ABCA13: variants seen among roughly 807,000 people sequenced by gnomAD.
ABCA13 encodes ATP binding cassette subfamily A member 13.
Under a neutral mutation model 478.7 loss-of-function variants are expected in ABCA13, and 476 were observed. That is an observed-to-expected ratio of 0.99 (90% CI 0.92 to 1.07). ABCA13 has a LOEUF of 1.07. ABCA13 is among the 50% of genes least tolerant of loss of function. The pLI, the probability that ABCA13 is intolerant of heterozygous loss-of-function variation, is 0.00. For missense variants in ABCA13, 6,060 were observed against 5,910.6 expected, an observed-to-expected ratio of 1.03 and a Z score of -0.83; for synonymous variants, 2,252 against 2,158.9, an observed-to-expected ratio of 1.04 and a Z score of -1.20.
At chr7:48,614,463 G>A (rs1792343263) in intron 58 of ABCA13, among the ~76,000 whole-genome samples, 1 of 151,196 alleles carries the variant, frequency 6.6e-6, no homozygotes, top group Non-Finnish European at 1.5e-5. Context: ...CAACCATTGT[G>A]GAAGTCAGTG....
intron 3 of ABCA13, among the ~76,000 whole-genome samples, chr7:48,204,500 C>A (rs961971796): frequency 2.0e-5 from 3 of 152,254 alleles, no homozygotes; most frequent in Middle Eastern, 3.4e-3. Flanking sequence ...CGTGAGCCAC[C>A]GCGCCCGGCC....
chr7:48,430,634 A>G (rs1167875812), intron 42 of ABCA13, among the ~76,000 whole-genome samples: 1 of 147,410 alleles, frequency 6.8e-6, no homozygotes, highest in Non-Finnish European at 1.5e-5. Flanking sequence ...AGATTGTGCC[A>G]CTGTACTCTA....
At chr7:48,341,011 C>A (rs907043672) in intron 29 of ABCA13, among the ~76,000 whole-genome samples, 3 of 152,144 alleles carry the variant, frequency 2.0e-5, no homozygotes, top group African/African-American at 7.2e-5. Flanking sequence ...CTGAAAGATG[C>A]AGATTTAGTT....
At chr7:48,446,387 T>A (rs58020554) in intron 42 of ABCA13, among the ~76,000 whole-genome samples, 18,921 of 116,960 alleles carry the variant, frequency 0.16, 1,785 homozygotes, top group African/African-American at 0.27. Context: ...TCATGCCCTT[T>A]AAAAAAAAAA....
At chr7:48,486,732 T>C (rs1227443397) in intron 47 of ABCA13, among the ~76,000 whole-genome samples, 1 of 152,324 alleles carries the variant, frequency 6.6e-6, no homozygotes, top group East Asian at 1.9e-4. Flanking sequence ...GTTTTGCTAA[T>C]GCAGACTGGG....
chr7:48,465,136 T>C (rs1563302293), intron 43 of ABCA13, among the ~76,000 whole-genome samples: 1 of 152,070 alleles, frequency 6.6e-6, no homozygotes, highest in Non-Finnish European at 1.5e-5. Context: ...GGCCCTAGGA[T>C]TGTGGAGGGA....
intron 3 of ABCA13, among the ~76,000 whole-genome samples, chr7:48,218,148 A>G (rs1043730086): frequency 1.3e-5 from 2 of 152,252 alleles, no homozygotes; most frequent in African/African-American, 4.8e-5. Context: ...CTAGAAAAAG[A>G]ATGTAAAACC....
At position 48,275,302 on chromosome 7, in the gene ABCA13, G is replaced by A. The variant is rs763421969; in HGVS notation, c.5636G>A (p.Arg1879Gln). 6.2e-6 allele frequency: 10 copies of A among 1,613,704 alleles called. No individual in the cohort carries two copies. In the East Asian group the frequency reaches 1.3e-4, roughly 22 times the overall value. The stretch of plus-strand genomic sequence containing the variant: ...TCACCATGTTCAAATGAAAGCTCCC[G>A]AATGGAAATAACTAGGAAAGTGGTC... ...EDSPCSNESS[R>Q]MEITRKVVCI... The change falls in exon 17 of 62, where the codon CGA becomes CAA. Residue 1879 changes from arginine to glutamine, a missense_variant. Arg to Gln is a conservative substitution (Grantham distance 43). Around this residue, in one of 3 missense-constraint regions of ABCA13, gnomAD observed 4,423 missense variants for 4,309.1 expected, o/e 1.03. Coordinates refer to ENST00000435803, the MANE Select transcript of ABCA13 (RefSeq NM_152701.5).
chr7:48,532,281 T>C (rs1833292458), intron 55 of ABCA13, among the ~76,000 whole-genome samples: 1 of 152,186 alleles, frequency 6.6e-6, no homozygotes, highest in Admixed American at 6.5e-5. Flanking sequence ...TTTAATTCTG[T>C]TTATGTGGTG....
intron 55 of ABCA13, among the ~76,000 whole-genome samples, chr7:48,569,074 T>C (rs1158497185): frequency 6.6e-6 from 1 of 152,070 alleles, no homozygotes; most frequent in Non-Finnish European, 1.5e-5. Flanking sequence ...AATCAAGATT[T>C]GATTATGATT....
At chr7:48,391,719 A>G (rs1466913222) in intron 37 of ABCA13, among the ~76,000 whole-genome samples, 1 of 152,210 alleles carries the variant, frequency 6.6e-6, no homozygotes, top group Non-Finnish European at 1.5e-5. Flanking sequence ...GTAGCATAAC[A>G]TGTTAAACTC....
chr7:48,275,642 A>T lies in ABCA13; in HGVS notation c.5976A>T (p.Thr1992=). 3 of 1,602,962 alleles carry T rather than the reference A, an allele frequency of 1.9e-6. No individual in the cohort carries two copies. Among genetic ancestry groups the T allele is most frequent in the Non-Finnish European group, 2.6e-6 (3 of 1,173,856 alleles). ...TTAACATTAATGAAGACACAGAGACATCTGTTCAAAATATTATTTCCTCAA... is the reference window on the plus strand; with the variant it reads ...TTAACATTAATGAAGACACAGAGACTTCTGTTCAAAATATTATTTCCTCAA... The part of the protein sequence containing the change: ...KILNINEDTE[T]SVQNIISSNL... The change falls in exon 17 of 62, where the codon ACA becomes ACT. Residue 1992 remains threonine, a synonymous_variant. Coordinates refer to ENST00000435803, the MANE Select transcript of ABCA13 (RefSeq NM_152701.5).
chr7:48,593,491 T>C (rs1370373430), intron 57 of ABCA13, among the ~76,000 whole-genome samples: 1 of 152,050 alleles, frequency 6.6e-6, no homozygotes. Flanking sequence ...ATAGCTATAG[T>C]TATTTTTAAT....
intron 2 of ABCA13, among the ~76,000 whole-genome samples, chr7:48,197,976 T>A (rs906393738): frequency 3.3e-5 from 5 of 152,138 alleles, no homozygotes; most frequent in Non-Finnish European, 7.3e-5. Context: ...ATGGGGAAGC[T>A]TGTGAATCCT....
At chr7:48,389,277 T>C (rs182885534) in intron 37 of ABCA13, 57 bp downstream of exon 37, 298 of 1,545,998 alleles carry the variant, frequency 1.9e-4, no homozygotes, top group Non-Finnish European at 2.5e-4. Context: ...AAACTTCAGT[T>C]TACCTGTGAG....
At chr7:48,644,171 C>T (rs1586079627) in intron 60 of ABCA13, among the ~76,000 whole-genome samples, 1 of 152,154 alleles carries the variant, frequency 6.6e-6, no homozygotes, top group East Asian at 1.9e-4. Context: ...ACATAATTAT[C>T]TCCATTGGCA....
intron 10 of ABCA13, among the ~76,000 whole-genome samples, chr7:48,243,342 A>C (rs1241861706): frequency 6.6e-6 from 1 of 152,172 alleles, no homozygotes; most frequent in South Asian, 2.1e-4. Context: ...TCCAAGTGCC[A>C]CTCTGCTTCC....
chr7:48,319,830 AAAG>A (rs1803162969), intron 27 of ABCA13, among the ~76,000 whole-genome samples: 1 of 152,166 alleles, frequency 6.6e-6, no homozygotes, highest in Non-Finnish European at 1.5e-5. Flanking sequence ...CTGTGAAATG[AAAG>A]ACTTGAGTAG....
chr7:48,421,982 G>C (rs2129123358), intron 41 of ABCA13, among the ~76,000 whole-genome samples: 1 of 136,316 alleles, frequency 7.3e-6, no homozygotes, highest in African/African-American at 2.7e-5. Context: ...CTCACATGCT[G>C]TCTTGTGTGA....
Sources: gnomAD v4.1 joint callset for allele counts (sites outside exome capture counted in the v4.1 genomes callset) on GRCh38, gnomAD v4.1.1 for gene constraint, gnomAD v4.1.1 regional missense constraint, MANE v1.5 for transcripts, NCBI Gene and HGNC (gene_info 2026-07-23, HGNC 2026-07-21) for gene names.